NCF2: variants seen among roughly 807,000 people sequenced by gnomAD.
NCF2 encodes the protein neutrophil cytosolic factor 2, also known as neutrophil cytosol factor 2.
Under a neutral mutation model 70.9 loss-of-function variants are expected in NCF2, and 45 were observed. That is an observed-to-expected ratio of 0.63 (90% CI 0.50 to 0.81). The LOEUF is 0.81. Ranked by LOEUF, NCF2 falls within the 40% of genes least tolerant of loss-of-function variation. The pLI is 0.00. For synonymous variants in NCF2, 203 were observed against 233.6 expected (o/e 0.87, Z 1.19); for missense variants, 522 against 631.6 (o/e 0.83, Z 1.86).
chr1:183,558,129 C>T (rs373224226), intron 14 of NCF2, among the ~76,000 whole-genome samples: 2 of 152,006 alleles, frequency 1.3e-5, no homozygotes, highest in East Asian at 1.9e-4. Flanking sequence ...TCACCTTGGC[C>T]TCCCAAAGTG....
chr1:183,600,783 ATGATGGGT>A, the NCF2 span, among the ~76,000 whole-genome samples: 1 of 152,122 alleles, frequency 6.6e-6, no homozygotes, highest in Non-Finnish European at 1.5e-5. Flanking sequence ...GCCTCCCAGA[ATGATGGGT>A]TCCTTCACTT....
the NCF2 span, among the ~76,000 whole-genome samples, chr1:183,599,423 C>CTTCTTTCTTTCT: frequency 0.12 from 12,752 of 107,018 alleles, 978 homozygotes; most frequent in East Asian, 0.17. Flanking sequence ...TCTTTCTTTC[C>CTTCTTTCTTTCT]TTCTTTCTTT....
chr1:183,591,558 T>C (rs1232346878), upstream of NCF2, among the ~76,000 whole-genome samples: 1 of 151,186 alleles, frequency 6.6e-6, no homozygotes, highest in African/African-American at 2.4e-5. Context: ...TCTCAGCTCA[T>C]TGCAACCTCT....
chr1:183,593,733 A>G (rs1673727027), upstream of NCF2, among the ~76,000 whole-genome samples: 1 of 152,138 alleles, frequency 6.6e-6, no homozygotes, highest in South Asian at 2.1e-4. Flanking sequence ...CTGTCCCTCA[A>G]TGCAGGGGCA....
chr1:183,570,645 TC>T, intron 6 of NCF2, 134 bp downstream of exon 6: 1 of 854,164 alleles, frequency 1.2e-6, no homozygotes. Flanking sequence ...GGCAGGCAGA[TC>T]CCTCAGCTGC....
At chr1:183,577,019 T>G (rs1373311607) in intron 3 of NCF2, among the ~76,000 whole-genome samples, 1 of 152,212 alleles carries the variant, frequency 6.6e-6, no homozygotes. Context: ...TGCAGAAACC[T>G]TTACCTAAAT....
chr1:183,566,294 T>C (rs1672295767), intron 9 of NCF2, among the ~76,000 whole-genome samples: 1 of 152,158 alleles, frequency 6.6e-6, no homozygotes, highest in African/African-American at 2.4e-5. Flanking sequence ...AAGACAGCTC[T>C]CTAGGCCTGG....
chr1:183,599,385 A>G, the NCF2 span, among the ~76,000 whole-genome samples: 1 of 146,944 alleles, frequency 6.8e-6, no homozygotes, highest in South Asian at 2.1e-4. Flanking sequence ...CTAAAAACAA[A>G]ACAAAACCAA....
upstream of NCF2, among the ~76,000 whole-genome samples, chr1:183,591,516 CTT>C (rs963113571): frequency 1.4e-5 from 2 of 143,374 alleles, no homozygotes; most frequent in African/African-American, 5.2e-5. Flanking sequence ...GAGTTTCACT[CTT>C]GTTGCCCAGG....
At chr1:183,590,585 G>C (rs1433451438), upstream of NCF2, 4 of 541,036 alleles carry the variant, frequency 7.4e-6, no homozygotes, top group African/African-American at 7.6e-5. Flanking sequence ...AGAGAGAGAG[G>C]GCGAGTAGGG....
intron 2 of NCF2, among the ~76,000 whole-genome samples, chr1:183,586,528 TTGA>T (rs1673359407): frequency 6.6e-6 from 1 of 152,200 alleles, no homozygotes; most frequent in Non-Finnish European, 1.5e-5. Flanking sequence ...AAGCCAGGTT[TTGA>T]TGCAGTTTCA....
chr1:183,590,402 A>G lies in NCF2; in HGVS notation c.-73T>C, dbSNP rs1673591736. On this transcript the variant is annotated 5_prime_UTR_variant, in exon 1 of 15. Coordinates refer to ENST00000367535, the MANE Select transcript of NCF2 (RefSeq NM_000433.4). ...GAAGACAGGTTGGAGCGTCTCCCCTAGCAGGGCTGCCTTAGTGGCCCCCAA... is the reference window on the plus strand; with the variant it reads ...GAAGACAGGTTGGAGCGTCTCCCCTGGCAGGGCTGCCTTAGTGGCCCCCAA... 6.4e-7 allele frequency: 1 copy of G among 1,570,514 alleles called. No individual in the cohort carries two copies. The highest frequency in any genetic ancestry group is 8.7e-7 in the Non-Finnish European group (1 of 1,144,272).
chr1:183,596,310 C>T, the NCF2 span, among the ~76,000 whole-genome samples: 1 of 150,600 alleles, frequency 6.6e-6, no homozygotes, highest in South Asian at 2.1e-4. Flanking sequence ...CATTTAAAGA[C>T]ACCTCATATT....
chr1:183,599,402 T>TTTTCTTTCTTTCTTTCCTTC, the NCF2 span, among the ~76,000 whole-genome samples: 5 of 123,268 alleles, frequency 4.1e-5, no homozygotes, highest in African/African-American at 1.3e-4. Context: ...CCAAACCTCT[T>TTTTCTTTCTTTCTTTCCTTC]TTTCTTTCTT....
chr1:183,593,290 G>A (rs149152829), upstream of NCF2, among the ~76,000 whole-genome samples: 2 of 152,296 alleles, frequency 1.3e-5, no homozygotes, highest in African/African-American at 2.4e-5. Flanking sequence ...ACTCCCAGGT[G>A]AACATGATAG....
intron 14 of NCF2, among the ~76,000 whole-genome samples, chr1:183,559,336 T>G (rs1671935527): frequency 6.6e-6 from 1 of 152,206 alleles, no homozygotes; most frequent in African/African-American, 2.4e-5. Flanking sequence ...GTCTGTTCAT[T>G]ACAAACAGAA....
At chr1:183,581,625 G>A (rs1393151283) in intron 2 of NCF2, among the ~76,000 whole-genome samples, 1 of 151,288 alleles carries the variant, frequency 6.6e-6, no homozygotes, top group African/African-American at 2.4e-5. Flanking sequence ...CACTGCACAG[G>A]GCCTAATTAA....
In NCF2 at chr1:183,573,142, C is replaced by T. The variant is rs368803722; in HGVS notation, c.609+43G>A. ...CCCTCCCACCTTGCTCCACATGGCC[C>T]GGGCCACAGGAGACTCAGGGGAAGC... On this transcript the variant is annotated intron_variant, in intron 5 of 14. Coordinates refer to ENST00000367535, the MANE Select transcript of NCF2 (RefSeq NM_000433.4). 6.3e-5 allele frequency: 99 copies of T among 1,578,476 alleles called. 2 individuals are homozygous for T. The South Asian group carries it at 6.9e-4, about 11-fold the overall frequency.
intron 2 of NCF2, among the ~76,000 whole-genome samples, chr1:183,585,893 A>G (rs1276974045): frequency 6.6e-6 from 1 of 152,254 alleles, no homozygotes; most frequent in South Asian, 2.1e-4. Flanking sequence ...AAAAATGCAG[A>G]CAGGGTGATA....
Sources: allele counts gnomAD v4.1 joint callset (sites outside exome capture counted in the v4.1 genomes callset), GRCh38; gene constraint gnomAD v4.1.1; transcripts MANE v1.5; gene names NCBI Gene and HGNC (gene_info 2026-07-23, HGNC 2026-07-21).